COL18A1: variants seen among roughly 807,000 people sequenced by gnomAD.
COL18A1 encodes the protein collagen alpha-1(XVIII) chain.
In COL18A1, 133 loss-of-function variants were observed where a neutral mutation model predicts 168.0. The ratio of observed to expected loss-of-function variants is 0.79; its 90% CI spans 0.69 to 0.91. The LOEUF is 0.91. Among genes scored for constraint, COL18A1 ranks in the 40% least tolerant of loss-of-function variants. COL18A1 has a pLI of 0.00. For missense variants in COL18A1, 2,126 were observed against 1,925.4 expected (o/e 1.10, Z -1.95); for synonymous variants, 949 against 809.0 (o/e 1.17, Z -2.94).
intron 2 of COL18A1, among the ~76,000 whole-genome samples, chr21:45,460,886 A>G (rs959261921): frequency 6.6e-6 from 1 of 152,238 alleles, no homozygotes; most frequent in African/African-American, 2.4e-5. Flanking sequence ...CATTGGGTGC[A>G]GTTGTCTGTG....
In COL18A1 at chr21:45,505,913, G is replaced by A; in HGVS notation, c.3163G>A (p.Ala1055Thr). ...EVPEGWLIFV[A>T]EQEELYVRVQ... ...TCCCGAGGGCTGGCTCATCTTCGTGGCCGAGCAGGAGGAGCTCTACGTCCG... is the reference window on the plus strand; with the variant it reads ...TCCCGAGGGCTGGCTCATCTTCGTGACCGAGCAGGAGGAGCTCTACGTCCG... Residue 1055 changes from alanine (A) to threonine (T), a missense_variant, in exon 37 of 42, where the codon GCC becomes ACC. Coordinates refer to ENST00000651438, the MANE Select transcript of COL18A1 (RefSeq NM_001379500.1). 1 of 1,613,120 alleles carries A rather than the reference G, an allele frequency of 6.2e-7. No individual in the cohort carries two copies. The highest frequency in any genetic ancestry group is 1.1e-5 in the South Asian group (1 of 91,082).
chr21:45,504,564 C>G lies in COL18A1; in HGVS notation c.2868+8C>G. On this transcript the variant is annotated splice_region_variant and intron_variant, in intron 34 of 41. Coordinates refer to ENST00000651438, the MANE Select transcript of COL18A1 (RefSeq NM_001379500.1). ...GGCTACCCTGGGATTCCAGTAAGTC[C>G]CAGCCTGTGCAGGCAGAGCCCATGT... The G allele has an allele frequency of 6.4e-7, 1 of 1,565,664 alleles. No homozygotes were observed. Among genetic ancestry groups the G allele is most frequent in the South Asian group, 1.2e-5 (1 of 86,080 alleles).
chr21:45,437,850 ACACT>A lies in COL18A1; in HGVS notation c.107-30388_107-30385del, dbSNP rs754703178. ...CACTCAGACAAGCACTCTCCTGCAC[ACACT>A]CACACTCACACTCAGACACACAGGC... is the stretch of plus-strand genomic sequence containing the variant. On this transcript the variant is annotated intron_variant, in intron 2 of 41. Coordinates refer to ENST00000651438, the MANE Select transcript of COL18A1 (RefSeq NM_001379500.1). Among the ~76,000 whole-genome samples, 19 of 60,408 alleles carry A rather than the reference ACACT, an allele frequency of 3.1e-4. 3 individuals are homozygous for A. The highest frequency in any genetic ancestry group is 1.1e-3 in the African/African-American group (6 of 5,666). The allele number at this position is 60,408 out of a possible 152,430, so 39.6% of individuals were successfully genotyped here.
At position 45,506,204 on chromosome 21, in the gene COL18A1, C is replaced by T. The variant is rs370210124; in HGVS notation, c.3216+238C>T. 4.5e-5 allele frequency: 25 copies of T among 561,600 alleles called. No homozygotes were observed. In the African/African-American group the frequency reaches 4.7e-4, roughly 11 times the overall value. The allele number at this position is 561,600 out of a possible 1,614,324, so 34.8% of individuals were successfully genotyped here. The stretch of plus-strand genomic sequence containing the variant: ...GGATGAACACATGGCGTGTGAGGGG[C>T]TCCTGGTGGGTCATGTCACAGTGAA... On this transcript the variant is annotated intron_variant, in intron 37 of 41. Coordinates refer to ENST00000651438, the MANE Select transcript of COL18A1 (RefSeq NM_001379500.1).
intron 2 of COL18A1, chr21:45,422,459 C>A: frequency 1.9e-6 from 1 of 531,800 alleles, no homozygotes; most frequent in Non-Finnish European, 3.9e-6. Flanking sequence ...GATAGAGTTG[C>A]AGGACAGAAT....
At chr21:45,435,013 G>T (rs114685052) in intron 2 of COL18A1, among the ~76,000 whole-genome samples, 6,424 of 152,142 alleles carry the variant, frequency 0.042, 170 homozygotes, top group African/African-American at 0.073. Context: ...TTTCCTGAGG[G>T]ACGTGCTCAG....
chr21:45,448,831 G>C (rs1253552309), intron 2 of COL18A1, among the ~76,000 whole-genome samples: 1 of 152,226 alleles, frequency 6.6e-6, no homozygotes, highest in Non-Finnish European at 1.5e-5. Context: ...GTCCTGCTCT[G>C]TAGTCTGTTG....
chr21:45,441,801 A>G (rs2034376863), intron 2 of COL18A1, among the ~76,000 whole-genome samples: 1 of 152,224 alleles, frequency 6.6e-6, no homozygotes, highest in Non-Finnish European at 1.5e-5. Flanking sequence ...CCAGCAGAAA[A>G]TGTCCCATGT....
intron 2 of COL18A1, among the ~76,000 whole-genome samples, chr21:45,419,464 T>G (rs2033554371): frequency 6.6e-6 from 1 of 152,224 alleles, no homozygotes; most frequent in Non-Finnish European, 1.5e-5. Flanking sequence ...TGGGTCTGGC[T>G]TCCTGGGGCC....
At chr21:45,416,365 C>T (rs1366284997) in intron 2 of COL18A1, among the ~76,000 whole-genome samples, 1 of 152,086 alleles carries the variant, frequency 6.6e-6, no homozygotes, top group Non-Finnish European at 1.5e-5. Flanking sequence ...GTGGGGGTGG[C>T]CGGGGCACAG....
At chr21:45,424,373 T>C (rs2033717075) in intron 2 of COL18A1, 1 of 152,368 alleles carries the variant, frequency 6.6e-6, no homozygotes, top group Non-Finnish European at 1.5e-5. Flanking sequence ...TGAGGAGGTG[T>C]GTGGCGCAGG....
At chr21:45,409,196 A>G (rs974823095) in intron 2 of COL18A1, among the ~76,000 whole-genome samples, 3 of 152,000 alleles carry the variant, frequency 2.0e-5, no homozygotes, top group African/African-American at 7.3e-5. Context: ...AGAGAACAAG[A>G]CGACAGGCCT....
At chr21:45,461,661 C>A (rs981897662) in intron 2 of COL18A1, among the ~76,000 whole-genome samples, 1 of 152,118 alleles carries the variant, frequency 6.6e-6, no homozygotes, top group Non-Finnish European at 1.5e-5. Flanking sequence ...GACCTCAGCC[C>A]CTGACAACCA....
intron 32 of COL18A1, among the ~76,000 whole-genome samples, chr21:45,503,221 C>T (rs948856464): frequency 1.3e-5 from 2 of 152,206 alleles, no homozygotes; most frequent in African/African-American, 4.8e-5. Flanking sequence ...TCTACATCCT[C>T]TCCGGCACCT....
chr21:45,488,999 C>T (rs942995784), intron 18 of COL18A1, among the ~76,000 whole-genome samples: 1 of 152,188 alleles, frequency 6.6e-6, no homozygotes, highest in Non-Finnish European at 1.5e-5. Context: ...CCGCCTTTCA[C>T]CCCGCTGCGT....
chr21:45,448,946 C>T (rs147289518), intron 2 of COL18A1, among the ~76,000 whole-genome samples: 107 of 152,332 alleles, frequency 7.0e-4, no homozygotes, highest in Admixed American at 1.2e-3. Context: ...CCTGGACTCA[C>T]CCACCTGCCT....
intron 16 of COL18A1, 43 bp from the exon 17 acceptor site, chr21:45,487,404 A>G (rs554832503): frequency 6.2e-7 from 1 of 1,604,624 alleles, no homozygotes; most frequent in East Asian, 2.2e-5. Flanking sequence ...TCCTTCCCTA[A>G]GAAGGGACAC....
chr21:45,448,708 G>A (rs760494027), intron 2 of COL18A1, among the ~76,000 whole-genome samples: 2 of 152,242 alleles, frequency 1.3e-5, no homozygotes, highest in African/African-American at 2.4e-5. Context: ...CATTCTGTCC[G>A]TCCTCCTGTG....
rs12627675 is a variant in COL18A1 at position 45,419,160 on chromosome 21, T to G, written c.106+13687T>G. The stretch of plus-strand genomic sequence containing the variant: ...ACACACGATGCCGTGTGTAGTGACA[T>G]GCAATTCCATGTAGTGACGTGATTC... On this transcript the variant is annotated intron_variant, in intron 2 of 41. Transcript: ENST00000651438. 8.8e-3 allele frequency among the ~76,000 whole-genome samples: 1,331 copies of G among 151,880 alleles called. 45 individuals carry two copies. The East Asian group carries it at 0.11, about 12-fold the overall frequency.
Sources: allele counts gnomAD v4.1 joint callset (sites outside exome capture counted in the v4.1 genomes callset), GRCh38; gene constraint gnomAD v4.1.1; transcripts MANE v1.5; gene names NCBI Gene and HGNC (gene_info 2026-07-23, HGNC 2026-07-21).